TRPC6: variants seen among roughly 807,000 people sequenced by gnomAD.
The protein encoded by TRPC6 is transient receptor potential cation channel subfamily C member 6, also known as short transient receptor potential channel 6.
Under a neutral mutation model 90.7 loss-of-function variants are expected in TRPC6, and 55 were observed. That is an observed-to-expected ratio of 0.61 (90% CI 0.49 to 0.76). TRPC6 has a LOEUF of 0.76. Among genes scored for constraint, TRPC6 ranks in the 30% least tolerant of loss-of-function variants. TRPC6 has a pLI of 0.00. For synonymous variants in TRPC6, 393 were observed against 393.0 expected (o/e 1.00, Z 0.00); for missense variants, 989 against 1,122.7 (o/e 0.88, Z 1.70).
intron 2 of TRPC6, among the ~76,000 whole-genome samples, chr11:101,496,379 C>T (rs907729987): frequency 6.6e-6 from 1 of 152,122 alleles, no homozygotes; most frequent in African/African-American, 2.4e-5. Context: ...GGATAATTGT[C>T]ACCAGATGGC....
At chr11:101,553,273 T>C (rs531980326) in intron 1 of TRPC6, among the ~76,000 whole-genome samples, 5 of 152,250 alleles carry the variant, frequency 3.3e-5, no homozygotes, top group Non-Finnish European at 4.4e-5. Flanking sequence ...AAGCTAACTC[T>C]TTCCTGTAAC....
intron 4 of TRPC6, among the ~76,000 whole-genome samples, chr11:101,484,727 T>A (rs1047383315): frequency 6.6e-6 from 1 of 151,922 alleles, no homozygotes; most frequent in Non-Finnish European, 1.5e-5. Context: ...GTTCCTGATA[T>A]AAAATCATAA....
At chr11:101,463,656 C>A (rs887644316) in intron 10 of TRPC6, among the ~76,000 whole-genome samples, 12 of 152,104 alleles carry the variant, frequency 7.9e-5, no homozygotes, top group Non-Finnish European at 1.8e-4. Context: ...GTGGTGATAT[C>A]CCCTATATCA....
At chr11:101,507,426 A>G (rs1395429770) in intron 1 of TRPC6, among the ~76,000 whole-genome samples, 2 of 151,950 alleles carry the variant, frequency 1.3e-5, no homozygotes, top group African/African-American at 4.8e-5. Flanking sequence ...TATCATTCCA[A>G]GGATTCTCTT....
At chr11:101,490,036 T>A (rs1453138436) in intron 3 of TRPC6, among the ~76,000 whole-genome samples, 1 of 152,158 alleles carries the variant, frequency 6.6e-6, no homozygotes, top group East Asian at 1.9e-4. Flanking sequence ...CTAGCAAATG[T>A]TTGGAAACCT....
At chr11:101,559,236 C>T (rs978757897) in intron 1 of TRPC6, among the ~76,000 whole-genome samples, 1 of 152,022 alleles carries the variant, frequency 6.6e-6, no homozygotes, top group African/African-American at 2.4e-5. Flanking sequence ...ATCCAAATGG[C>T]CAGAGATATT....
At chr11:101,509,753 G>A (rs1248144994) in intron 1 of TRPC6, among the ~76,000 whole-genome samples, 3 of 151,764 alleles carry the variant, frequency 2.0e-5, no homozygotes, top group African/African-American at 4.8e-5. Flanking sequence ...TTCTGTCTTA[G>A]TTGTTGTGAC....
intron 1 of TRPC6, among the ~76,000 whole-genome samples, chr11:101,526,861 C>CAAAAAAAAAAAAAAA (rs573864895): frequency 2.2e-4 from 8 of 36,132 alleles, no homozygotes; most frequent in Non-Finnish European, 2.8e-4. Context: ...GAGACTGTCT[C>CAAAAAAAAAAAAAAA]AAAAAAAAAA....
intron 1 of TRPC6, among the ~76,000 whole-genome samples, chr11:101,521,824 T>A (rs1565228295): frequency 6.6e-6 from 1 of 152,246 alleles, no homozygotes; most frequent in Non-Finnish European, 1.5e-5. Context: ...TAAGATTTAA[T>A]AACTGCCCCG....
chr11:101,472,235 T>C lies in TRPC6; in HGVS notation c.2107A>G (p.Ile703Val), dbSNP rs542370698. ...INYNHKFIEN[I>V]GYVLYGVYNV... ...TAGACTCCATAAAGAACGTAACCAA[T>C]GTTTTCAATGAATTTGTGGTTATAG... The change falls in exon 8 of 13, where the codon ATT becomes GTT. Residue 703 changes from isoleucine (I) to valine (V), a missense_variant. Physicochemically the swap from Ile to Val is conservative, Grantham distance 29. Around this residue, in one of 4 missense-constraint regions of TRPC6, gnomAD observed 118 missense variants for 197.6 expected, o/e 0.60. Coordinates refer to ENST00000344327, the MANE Select transcript of TRPC6 (RefSeq NM_004621.6). 2 of 1,613,280 alleles carry C rather than the reference T, an allele frequency of 1.2e-6. No individual in the cohort carries two copies. Among genetic ancestry groups the C allele is most frequent in the South Asian group, 1.1e-5 (1 of 91,026 alleles).
At chr11:101,484,166 A>G (rs936278619) in intron 4 of TRPC6, among the ~76,000 whole-genome samples, 6 of 152,212 alleles carry the variant, frequency 3.9e-5, no homozygotes, top group Non-Finnish European at 7.4e-5. Flanking sequence ...ACTTGTAATC[A>G]TTACAACAAT....
chr11:101,577,667 T>C (rs563821017), intron 1 of TRPC6, among the ~76,000 whole-genome samples: 7 of 152,246 alleles, frequency 4.6e-5, no homozygotes, highest in Middle Eastern at 3.4e-3. Flanking sequence ...CGCTGCCAGA[T>C]AGATAATGCT....
Position 101,504,257 on chromosome 11 carries a change from G to T in TRPC6, c.712C>A (p.Leu238Ile). 1 of 1,613,682 alleles carries T rather than the reference G, an allele frequency of 6.2e-7. No individual in the cohort carries two copies. The change falls in exon 2 of 13, where the codon CTC becomes ATC. Residue 238 changes from leucine to isoleucine, a missense_variant. Leu to Ile is a conservative substitution (Grantham distance 5). Coordinates refer to ENST00000344327, the MANE Select transcript of TRPC6 (RefSeq NM_004621.6). ...HCQEYEIVHT[L>I]LRKGARIERP... ...TCAATCCTAGCACCCTTCCGCAGGA[G>T]GGTATGCACAATTTCATATTCCTGG...
intron 1 of TRPC6, among the ~76,000 whole-genome samples, chr11:101,527,326 A>T (rs1431379389): frequency 6.6e-6 from 1 of 152,184 alleles, no homozygotes; most frequent in African/African-American, 2.4e-5. Context: ...CAATACTTGA[A>T]ATCACTATAT....
rs369124216 is a variant in TRPC6, at chr11:101,504,327, T to C, written c.642A>G (p.Thr214=). ...DDFYAYDEDG[T]RFSHDVTPII... is the part of the protein sequence containing the mutation. ...TTGGAGTCACATCATGGGAGAACCG[T>C]GTCCCATCTTCATCATAGGCATAAA... is the stretch of plus-strand genomic sequence containing the variant. The change falls in exon 2 of 13, where the codon ACA becomes ACG. Residue 214 remains threonine (T), a synonymous_variant. Transcript: ENST00000344327. 4.3e-6 allele frequency: 7 copies of C among 1,613,932 alleles called. No homozygotes were observed. Among genetic ancestry groups the C allele is most frequent in the Non-Finnish European group, 5.9e-6 (7 of 1,179,938 alleles).
intron 1 of TRPC6, among the ~76,000 whole-genome samples, chr11:101,540,400 G>T (rs1220571716): frequency 1.3e-5 from 2 of 152,164 alleles, no homozygotes; most frequent in African/African-American, 4.8e-5. Context: ...TTAAAGACAT[G>T]GAGGAAAAGA....
intron 1 of TRPC6, among the ~76,000 whole-genome samples, chr11:101,579,308 T>G (rs1862140808): frequency 6.6e-6 from 1 of 152,240 alleles, no homozygotes; most frequent in African/African-American, 2.4e-5. Flanking sequence ...GTTTGATTTA[T>G]TCTTTTATAT....
At chr11:101,470,212 C>T (rs1227523156) in intron 9 of TRPC6, among the ~76,000 whole-genome samples, 1 of 152,140 alleles carries the variant, frequency 6.6e-6, no homozygotes, top group African/African-American at 2.4e-5. Flanking sequence ...TTCTGTTGGG[C>T]AGATTTTCTT....
chr11:101,503,996 G>A, intron 2 of TRPC6, 28 bp downstream of exon 2: 1 of 1,613,718 alleles, frequency 6.2e-7, no homozygotes, highest in Non-Finnish European at 8.5e-7. Context: ...GCTTGTGGAG[G>A]GTGAAGTCTC....
Sources: allele counts gnomAD v4.1 joint callset (sites outside exome capture counted in the v4.1 genomes callset), GRCh38; gene constraint gnomAD v4.1.1; regional missense constraint gnomAD v4.1.1; transcripts MANE v1.5; gene names NCBI Gene and HGNC (gene_info 2026-07-23, HGNC 2026-07-21).